Variants in NCKAP1 observed in about 807,000 individuals in gnomAD.
NCKAP1 encodes nck-associated protein 1.
In NCKAP1, 21 loss-of-function variants were observed where a neutral mutation model predicts 151.2. That is an observed-to-expected ratio of 0.14 (90% confidence interval 0.10 to 0.20). NCKAP1 has a LOEUF of 0.20. NCKAP1 is among the 10% of genes least tolerant of loss of function. NCKAP1 has a pLI of 1.00. For synonymous variants in NCKAP1, 484 were observed against 451.8 expected (o/e 1.07, Z -0.90); for missense variants, 933 against 1,352.1 (o/e 0.69, Z 4.86).
rs1267092185 is a variant in NCKAP1 at position 183,007,103 on chromosome 2, TCTTAGGTGATC to T, written c.220-3789_220-3779del. Among the ~76,000 whole-genome samples the T allele has an allele frequency of 2.6e-5, 4 of 152,210 alleles. No individual in the cohort carries two copies. In the East Asian group the frequency reaches 5.8e-4, roughly 22 times the overall value. On this transcript the variant is annotated intron_variant, in intron 2 of 30. Coordinates refer to ENST00000361354, the MANE Select transcript of NCKAP1 (RefSeq NM_013436.5). Reference sequence around the variant, plus strand: ...GGTCAGGCTGGTCTCAAATTCCTAATCTTAGGTGATCCTCCCGCCTCGGCCTCCCAAAGTGC... The same window carrying T: ...GGTCAGGCTGGTCTCAAATTCCTAATCTCCCGCCTCGGCCTCCCAAAGTGC...
At chr2:182,934,094 T>TA (rs1696822052) in intron 26 of NCKAP1, among the ~76,000 whole-genome samples, 2 of 152,118 alleles carry the variant, frequency 1.3e-5, no homozygotes. Context: ...ATCTTAAACT[T>TA]ATTGAATTTC....
intron 9 of NCKAP1, among the ~76,000 whole-genome samples, chr2:182,987,622 C>A (rs1035690851): frequency 6.6e-6 from 1 of 152,102 alleles, no homozygotes; most frequent in Non-Finnish European, 1.5e-5. Flanking sequence ...TAAATGTTTA[C>A]ATATATTTAC....
At chr2:182,938,907 T>C (rs1331324929) in intron 24 of NCKAP1, among the ~76,000 whole-genome samples, 1 of 152,202 alleles carries the variant, frequency 6.6e-6, no homozygotes, top group African/African-American at 2.4e-5. Flanking sequence ...ATGGGAGAGC[T>C]AGAAGACATG....
chr2:182,929,141 T>TA (rs1696708536), intron 27 of NCKAP1, among the ~76,000 whole-genome samples: 1 of 151,990 alleles, frequency 6.6e-6, no homozygotes, highest in Admixed American at 6.6e-5. Context: ...GGACGTCTGA[T>TA]AAAACAGTAA....
chr2:182,974,328 C>T (rs550049046), intron 15 of NCKAP1, among the ~76,000 whole-genome samples: 3 of 149,412 alleles, frequency 2.0e-5, no homozygotes, highest in African/African-American at 7.4e-5. Flanking sequence ...ATGTTCTAAA[C>T]GTGGTTAACA....
Position 182,910,861 on chromosome 2 carries a change from G to A in NCKAP1, c.*14841C>T, listed in dbSNP as rs1017499586. On this transcript the variant is annotated 3_prime_UTR_variant, in exon 31 of 31. Transcript: ENST00000361354. ...GAAAGTTACTGAGAAGAAGGTGATT[G>A]CTAAGTATTTACAGATTAAAGACTC... 2.0e-5 allele frequency: 3 copies of A among 151,642 alleles called. No homozygotes were observed. The highest frequency in any genetic ancestry group is 4.8e-5 in the African/African-American group (2 of 41,330). The allele number at this position is 151,642 out of a possible 1,614,324, so 9.4% of individuals were successfully genotyped here. A position where few individuals can be genotyped will look rare whatever the true frequency, so the allele number is the denominator to read the frequency against.
rs1559101534 is a variant in NCKAP1, at chr2:183,002,247, T to C, written c.392A>G (p.Lys131Arg). ...GGTTATAATTAAATCTAAGTAGTTCTTTGTTAAATCAAAGTTTACAGTCTA... is the reference window on the plus strand; with the variant it reads ...GGTTATAATTAAATCTAAGTAGTTCCTTGTTAAATCAAAGTTTACAGTCTA... Reference protein sequence around the residue: ...FDITVNFDLTKNYLDLIITYT... With the variant: ...FDITVNFDLTRNYLDLIITYT... The change falls in exon 5 of 31, where the codon AAG becomes AGG. Residue 131 changes from lysine to arginine, a missense_variant. By Grantham distance (26) the Lys-to-Arg change is conservative (BLOSUM62 2). This residue lies in a region of NCKAP1 where 607 missense variants were observed against 795.0 expected (regional missense o/e 0.76). Transcript: ENST00000361354. 6.5e-7 allele frequency: 1 copy of C among 1,548,070 alleles called. No individual in the cohort carries two copies. The highest frequency in any genetic ancestry group is 8.8e-7 in the Non-Finnish European group (1 of 1,130,338).
At chr2:182,983,231 G>GT in intron 11 of NCKAP1, 55 bp downstream of exon 11, 4 of 1,391,476 alleles carry the variant, frequency 2.9e-6, no homozygotes, top group South Asian at 1.3e-5. Context: ...ACTTAGAAAC[G>GT]TTTTTTAAAA....
chr2:182,971,591 G>A (rs1320194117), intron 15 of NCKAP1, among the ~76,000 whole-genome samples: 2 of 151,064 alleles, frequency 1.3e-5, no homozygotes, highest in African/African-American at 2.4e-5. Context: ...AACTAGAAGA[G>A]CCAAATCAAT....
chr2:182,939,397 T>C (rs1046619394), intron 24 of NCKAP1, among the ~76,000 whole-genome samples: 6 of 152,012 alleles, frequency 3.9e-5, no homozygotes, highest in Non-Finnish European at 5.9e-5. Flanking sequence ...AGTGTGGTAG[T>C]GCATGCCTGT....
chr2:183,004,082 G>A (rs1349592143), intron 2 of NCKAP1, among the ~76,000 whole-genome samples: 1 of 152,010 alleles, frequency 6.6e-6, no homozygotes, highest in Non-Finnish European at 1.5e-5. Flanking sequence ...CTAGAACCTT[G>A]ACACTCTTGA....
chr2:182,975,975 T>C (rs1350209379), intron 15 of NCKAP1, among the ~76,000 whole-genome samples: 1 of 152,184 alleles, frequency 6.6e-6, no homozygotes, highest in Non-Finnish European at 1.5e-5. Context: ...TACATAGTAC[T>C]ATCTAATTTA....
intron 2 of NCKAP1, among the ~76,000 whole-genome samples, chr2:183,017,500 G>A (rs946298116): frequency 5.3e-5 from 8 of 152,102 alleles, no homozygotes; most frequent in African/African-American, 1.9e-4. Context: ...AGAATCTAAT[G>A]CCACTGCTAA....
chr2:183,004,002 T>G (rs1482254338), intron 2 of NCKAP1, among the ~76,000 whole-genome samples: 1 of 152,214 alleles, frequency 6.6e-6, no homozygotes, highest in East Asian at 1.9e-4. Context: ...AATCAACTAT[T>G]GATATAATTT....
At chr2:182,946,265 C>T (rs1173884460) in intron 23 of NCKAP1, among the ~76,000 whole-genome samples, 5 of 151,936 alleles carry the variant, frequency 3.3e-5, no homozygotes, top group East Asian at 1.9e-4. Flanking sequence ...CCAGGCGTGG[C>T]GGTCGGCGCC....
intron 24 of NCKAP1, among the ~76,000 whole-genome samples, chr2:182,936,045 C>A (rs1432026019): frequency 2.0e-5 from 3 of 151,848 alleles, no homozygotes; most frequent in Admixed American, 2.0e-4. Flanking sequence ...TTGCTTGAGC[C>A]CAGGAGTTCA....
chr2:182,958,784 A>G (rs1219279566), intron 18 of NCKAP1, among the ~76,000 whole-genome samples: 2 of 152,228 alleles, frequency 1.3e-5, no homozygotes, highest in African/African-American at 4.8e-5. Flanking sequence ...CAAAGCAGGC[A>G]AATGAGAAAT....
chr2:182,911,307 T>A lies in NCKAP1; in HGVS notation c.*14395A>T, dbSNP rs191336419. Reference sequence around the variant, plus strand: ...GTGTCCTCTGCTTCACCTTTTGATGTCAGAGGGCTGAAAATCCCACCCTTG... The same window carrying A: ...GTGTCCTCTGCTTCACCTTTTGATGACAGAGGGCTGAAAATCCCACCCTTG... On this transcript the variant is annotated 3_prime_UTR_variant, in exon 31 of 31. Transcript: ENST00000361354. The A allele has an allele frequency of 6.6e-6, 1 of 152,268 alleles. No individual in the cohort carries two copies. Among genetic ancestry groups the A allele is most frequent in the African/African-American group, 2.4e-5 (1 of 41,530 alleles). The allele number at this position is 152,268 out of a possible 1,614,324, so 9.4% of individuals were successfully genotyped here.
chr2:182,954,294 T>C (rs1374872019), intron 20 of NCKAP1, among the ~76,000 whole-genome samples: 1 of 152,226 alleles, frequency 6.6e-6, no homozygotes, highest in African/African-American at 2.4e-5. Context: ...AGAAACTGTA[T>C]ACGACTAAAA....
Sources: gnomAD v4.1 joint callset for allele counts (sites outside exome capture counted in the v4.1 genomes callset) on GRCh38, gnomAD v4.1.1 for gene constraint, gnomAD v4.1.1 regional missense constraint, MANE v1.5 for transcripts, NCBI Gene and HGNC (gene_info 2026-07-23, HGNC 2026-07-21) for gene names.